The following SLC23A2 variants were observed in gnomAD, a reference collection of about 807,000 sequenced individuals.
SLC23A2 encodes Na(+)/L-ascorbic acid transporter 2.
SLC23A2 carries 36 observed loss-of-function variants against 73.3 expected under a neutral mutation model. The ratio of observed to expected loss-of-function variants is 0.49; its 90% CI spans 0.38 to 0.65. The LOEUF (loss-of-function observed/expected upper bound fraction) is 0.65. Among genes scored for constraint, SLC23A2 ranks in the 30% least tolerant of loss-of-function variants. SLC23A2 has a pLI of 0.00. For synonymous variants in SLC23A2, 343 were observed against 327.3 expected (o/e 1.05, Z -0.52); for missense variants, 507 against 841.6 (o/e 0.60, Z 4.92).
chr20:4,974,825 T>C (rs1197240107), intron 1 of SLC23A2, among the ~76,000 whole-genome samples: 1 of 152,206 alleles, frequency 6.6e-6, no homozygotes, highest in African/African-American at 2.4e-5. Flanking sequence ...TCTCGCTCTG[T>C]CACCTAGGCT....
intron 11 of SLC23A2, among the ~76,000 whole-genome samples, chr20:4,870,633 TTC>T (rs1224098606): frequency 4.6e-5 from 7 of 151,950 alleles, no homozygotes; most frequent in Non-Finnish European, 1.0e-4. Flanking sequence ...AGGCTGTAAC[TTC>T]TCTTTCCTGC....
intron 4 of SLC23A2, among the ~76,000 whole-genome samples, chr20:4,911,973 A>G (rs1932167038): frequency 1.3e-5 from 2 of 151,574 alleles, no homozygotes; most frequent in Non-Finnish European, 1.5e-5. Context: ...AGTAGCTGCT[A>G]CTATAGGCAC....
At chr20:4,880,826 T>C (rs2122821560) in intron 9 of SLC23A2, among the ~76,000 whole-genome samples, 1 of 150,734 alleles carries the variant, frequency 6.6e-6, no homozygotes, top group South Asian at 2.1e-4. Flanking sequence ...GCTCCAGACA[T>C]TGGAACAGTA....
At chr20:4,992,862 C>CA (rs2087951048) in intron 1 of SLC23A2, among the ~76,000 whole-genome samples, 1 of 151,436 alleles carries the variant, frequency 6.6e-6, no homozygotes, top group South Asian at 2.1e-4. Flanking sequence ...CAAAGTAGGA[C>CA]AAAAAAATGC....
At chr20:5,009,126 A>G (rs989492368) in intron 1 of SLC23A2, among the ~76,000 whole-genome samples, 2 of 152,192 alleles carry the variant, frequency 1.3e-5, no homozygotes, top group Non-Finnish European at 2.9e-5. Flanking sequence ...CATTTGGCAC[A>G]GCTGTATTCT....
intron 7 of SLC23A2, 74 bp downstream of exon 7, chr20:4,885,747 G>A: frequency 9.7e-7 from 1 of 1,035,956 alleles, no homozygotes; most frequent in Non-Finnish European, 1.5e-6. Context: ...GCTGCTGAGG[G>A]CAGCACGTCC....
intron 1 of SLC23A2, among the ~76,000 whole-genome samples, chr20:4,994,002 A>T (rs141252827): frequency 0.016 from 2,509 of 152,204 alleles, 65 homozygotes; most frequent in African/African-American, 0.057. Context: ...AAGTGGGAGG[A>T]TCTCTTGAGC....
At chr20:4,956,872 A>G (rs1287603869) in intron 2 of SLC23A2, among the ~76,000 whole-genome samples, 1 of 140,968 alleles carries the variant, frequency 7.1e-6, no homozygotes. Context: ...CAATGGCGCG[A>G]TCTTGGCTCA....
At chr20:4,988,765 A>C (rs1293862441) in intron 1 of SLC23A2, among the ~76,000 whole-genome samples, 7 of 151,604 alleles carry the variant, frequency 4.6e-5, no homozygotes, top group Non-Finnish European at 1.0e-4. Context: ...AGAAAAAAAA[A>C]ATTAGCCAGG....
chr20:4,977,376 A>AT (rs1423170321), intron 1 of SLC23A2, among the ~76,000 whole-genome samples: 11 of 151,916 alleles, frequency 7.2e-5, no homozygotes, highest in African/African-American at 2.7e-4. Context: ...ACGTATTATT[A>AT]TTATTTTTTT....
intron 2 of SLC23A2, among the ~76,000 whole-genome samples, chr20:4,934,248 G>A (rs536082022): frequency 6.6e-6 from 1 of 152,224 alleles, no homozygotes; most frequent in East Asian, 1.9e-4. Flanking sequence ...GGGACATCTG[G>A]CAATGTCTGG....
intron 15 of SLC23A2, 102 bp downstream of exon 15, chr20:4,861,846 C>G: frequency 8.3e-7 from 1 of 1,203,710 alleles, no homozygotes; most frequent in Non-Finnish European, 1.2e-6. Flanking sequence ...TGCACCACAG[C>G]TCCTGGAGGC....
At chr20:4,953,015 T>G (rs1472890103) in intron 2 of SLC23A2, among the ~76,000 whole-genome samples, 2 of 126,060 alleles carry the variant, frequency 1.6e-5, no homozygotes, top group Non-Finnish European at 3.3e-5. Flanking sequence ...AGAACGAGAC[T>G]CAAAAAAAAA....
At position 4,883,539 on chromosome 20, in the gene SLC23A2, C is replaced by G. The variant is rs1930975863; in HGVS notation, c.824+103G>C. On this transcript the variant is annotated intron_variant, in intron 9 of 16. Coordinates refer to ENST00000338244, the MANE Select transcript of SLC23A2 (RefSeq NM_005116.6). The surrounding 1 kb of genome is among the most constrained non-coding windows in gnomAD (Gnocchi z 4.5). ...ACGAAGCAAATAAAGTTGAAACTGTCAGACCATTCTTATTATTGAAAAACA... is the reference window on the plus strand; with the variant it reads ...ACGAAGCAAATAAAGTTGAAACTGTGAGACCATTCTTATTATTGAAAAACA... 1.1e-6 allele frequency: 1 copy of G among 871,440 alleles called. No homozygotes were observed. 54.0% of individuals were successfully genotyped at this position (871,440 alleles called of 1,614,324 possible).
In SLC23A2 at chr20:4,863,191, C is replaced by A. The variant is rs1930048996; in HGVS notation, c.1357-284G>T. Among the ~76,000 whole-genome samples, 1 of 152,156 alleles carries A rather than the reference C, an allele frequency of 6.6e-6. No homozygotes were observed. The highest frequency in any genetic ancestry group is 2.4e-5 in the African/African-American group (1 of 41,418). On this transcript the variant is annotated intron_variant, in intron 13 of 16. Coordinates refer to ENST00000338244, the MANE Select transcript of SLC23A2 (RefSeq NM_005116.6). This position sits in a 1 kb window ranked among gnomAD's most constrained non-coding sequence, Gnocchi z 4.8. ...TCTCAAATGCAAAGGCCACACTTTG[C>A]CCCTGCCTATCCCCTGGGTTCCCGG...
At chr20:4,967,789 C>T (rs1879177) in intron 2 of SLC23A2, among the ~76,000 whole-genome samples, 60,448 of 152,020 alleles carry the variant, frequency 0.4, 12,373 homozygotes, top group Admixed American at 0.48. Context: ...TGTGGTGGTT[C>T]TAGCAAATGC....
In SLC23A2 at chr20:4,856,945, C is replaced by A. The variant is rs371564157; in HGVS notation, c.*27G>T. 11 of 1,463,082 alleles carry A rather than the reference C, an allele frequency of 7.5e-6. No individual in the cohort carries two copies. In the East Asian group the frequency reaches 1.1e-4, roughly 15 times the overall value. The allele number at this position is 1,463,082 out of a possible 1,614,324, so 90.6% of individuals were successfully genotyped here. On this transcript the variant is annotated 3_prime_UTR_variant, in exon 17 of 17. Transcript: ENST00000338244. The surrounding 1 kb of genome is among the most constrained non-coding windows in gnomAD (Gnocchi z 4.6). ...GGAACTACAGATACATGCCTCACTG[C>A]GGCCAGGCCACAGGGCACAGCAAAG...
At chr20:4,858,312 CT>C (rs1005542573) in intron 16 of SLC23A2, among the ~76,000 whole-genome samples, 4 of 152,068 alleles carry the variant, frequency 2.6e-5, no homozygotes, top group Non-Finnish European at 5.9e-5. Flanking sequence ...AAGCTCATGA[CT>C]TTTTTTTATA....
chr20:4,859,259 A>T (rs1221985186), intron 16 of SLC23A2, 30 bp downstream of exon 16: 1 of 1,363,510 alleles, frequency 7.3e-7, no homozygotes, highest in South Asian at 1.3e-5. Flanking sequence ...AATAAAAAAA[A>T]AAAAAGTGTG....
Sources: gnomAD v4.1 joint callset for allele counts (sites outside exome capture counted in the v4.1 genomes callset) on GRCh38, gnomAD v4.1.1 for gene constraint, Gnocchi (gnomAD v3.1) non-coding constraint, MANE v1.5 for transcripts, NCBI Gene and HGNC (gene_info 2026-07-23, HGNC 2026-07-21) for gene names.